Variants in SMYD3 observed in about 807,000 individuals in gnomAD.
The protein encoded by SMYD3 is histone-lysine N-methyltransferase SMYD3.
In SMYD3, 36 loss-of-function variants were observed where a neutral mutation model predicts 57.7. The ratio of observed to expected loss-of-function variants is 0.62; its 90% CI spans 0.48 to 0.82. The LOEUF is 0.82. Ranked by LOEUF, SMYD3 falls within the 40% of genes least tolerant of loss-of-function variation. The pLI, the probability that SMYD3 is intolerant of heterozygous loss-of-function variation, is 0.00. For missense variants in SMYD3, 515 were observed against 538.8 expected (o/e 0.96, Z 0.44); for synonymous variants, 211 against 195.0 (o/e 1.08, Z -0.68).
chr1:246,152,422 G>C (rs542433884), intron 5 of SMYD3, among the ~76,000 whole-genome samples: 1 of 152,280 alleles, frequency 6.6e-6, no homozygotes, highest in East Asian at 1.9e-4. Context: ...TTTTCATCCT[G>C]AGCAATTATA....
At chr1:245,811,427 G>A (rs973525656) in intron 10 of SMYD3, among the ~76,000 whole-genome samples, 1 of 152,142 alleles carries the variant, frequency 6.6e-6, no homozygotes, top group African/African-American at 2.4e-5. Flanking sequence ...CTTTCTGTAT[G>A]TGTACTCCCA....
At chr1:246,441,621 T>C (rs1237541358) in intron 1 of SMYD3, among the ~76,000 whole-genome samples, 1 of 152,204 alleles carries the variant, frequency 6.6e-6, no homozygotes, top group Admixed American at 6.5e-5. Context: ...TCTTTGTTTT[T>C]TCCCCCTTGA....
intron 5 of SMYD3, among the ~76,000 whole-genome samples, chr1:246,314,075 C>G (rs1203039095): frequency 2.6e-5 from 4 of 152,122 alleles, no homozygotes; most frequent in African/African-American, 4.8e-5. Context: ...CATGAATAAT[C>G]CACCCTCCTC....
intron 1 of SMYD3, among the ~76,000 whole-genome samples, chr1:246,472,467 G>C (rs1395108419): frequency 6.6e-6 from 1 of 152,160 alleles, no homozygotes; most frequent in Non-Finnish European, 1.5e-5. Context: ...AATAGGCTGG[G>C]CATAGTGGCT....
intron 5 of SMYD3, among the ~76,000 whole-genome samples, chr1:246,062,757 C>T (rs368163424): frequency 5.8e-4 from 88 of 152,222 alleles, no homozygotes; most frequent in African/African-American, 2.0e-3. Context: ...AAATGCCTAA[C>T]CAGTTCCAAA....
At chr1:245,967,252 G>A (rs1455992327) in intron 5 of SMYD3, among the ~76,000 whole-genome samples, 1 of 151,948 alleles carries the variant, frequency 6.6e-6, no homozygotes, top group Non-Finnish European at 1.5e-5. Flanking sequence ...TCACTGTCTG[G>A]CAGGAACATG....
At chr1:246,186,622 A>G in intron 5 of SMYD3, 1 of 401,928 alleles carries the variant, frequency 2.5e-6, no homozygotes, top group African/African-American at 2.2e-5. Context: ...CCTCAGAAAA[A>G]GACCCAAGTT....
At chr1:245,846,327 T>C (rs1336777972) in intron 10 of SMYD3, among the ~76,000 whole-genome samples, 1 of 152,238 alleles carries the variant, frequency 6.6e-6, no homozygotes, top group Non-Finnish European at 1.5e-5. Flanking sequence ...GATTCTACTC[T>C]GCGTGAAGGT....
At chr1:245,961,374 T>G (rs2058003501) in intron 5 of SMYD3, among the ~76,000 whole-genome samples, 1 of 152,232 alleles carries the variant, frequency 6.6e-6, no homozygotes, top group African/African-American at 2.4e-5. Flanking sequence ...TTACAGAATG[T>G]ACTTTATCTT....
chr1:246,059,699 G>A (rs1297087085), intron 5 of SMYD3, among the ~76,000 whole-genome samples: 2 of 152,142 alleles, frequency 1.3e-5, no homozygotes, highest in East Asian at 3.9e-4. Flanking sequence ...AAAAAGGCAA[G>A]TAAGATACGA....
At chr1:246,112,216 T>TTA (rs1257698563) in intron 5 of SMYD3, among the ~76,000 whole-genome samples, 9 of 152,330 alleles carry the variant, frequency 5.9e-5, no homozygotes, top group African/African-American at 2.2e-4. Flanking sequence ...AAATCTATAC[T>TTA]TATGAGCTAA....
Position 246,369,975 on chromosome 1 carries a change from G to A in SMYD3, c.165-14881C>T, listed in dbSNP as rs147001412. 2.3e-3 allele frequency among the ~76,000 whole-genome samples: 351 copies of A among 152,252 alleles called. 2 individuals carry two copies. Among genetic ancestry groups the A allele is most frequent in the African/African-American group, 7.9e-3 (327 of 41,558 alleles). On this transcript the variant is annotated intron_variant, in intron 1 of 11. Transcript: ENST00000490107. ...TCACTGGCACCATACCTTCCTAGGA[G>A]AAACACAAGCACCTTAAATCCAGCA...
chr1:245,957,939 G>C (rs73130335), intron 5 of SMYD3, among the ~76,000 whole-genome samples: 1 of 151,932 alleles, frequency 6.6e-6, no homozygotes, highest in African/African-American at 2.4e-5. Flanking sequence ...CAGAATTCTT[G>C]CAAGAAAATG....
chr1:245,766,927 T>C (rs1376793752), intron 10 of SMYD3, among the ~76,000 whole-genome samples: 1 of 152,096 alleles, frequency 6.6e-6, no homozygotes, highest in Non-Finnish European at 1.5e-5. Flanking sequence ...CACTTCCAAA[T>C]AAATATTTCC....
chr1:246,355,009 A>T lies in SMYD3; in HGVS notation c.228+22T>A, dbSNP rs754783331. Reference sequence around the variant, plus strand: ...AGTAAAGAATTTGAAAGCTTCACTTATATATGGCTGAAAAGTCTTACCTGA... The same window carrying T: ...AGTAAAGAATTTGAAAGCTTCACTTTTATATGGCTGAAAAGTCTTACCTGA... On this transcript the variant is annotated intron_variant, in intron 2 of 11. Coordinates refer to ENST00000490107, the MANE Select transcript of SMYD3 (RefSeq NM_001167740.2). This position sits in a 1 kb window ranked among gnomAD's most constrained non-coding sequence, Gnocchi z 5.0. The T allele has an allele frequency of 6.2e-7, 1 of 1,611,784 alleles. No individual in the cohort carries two copies. The highest frequency in any genetic ancestry group is 8.5e-7 in the Non-Finnish European group (1 of 1,177,950).
At chr1:246,368,580 A>G (rs963884966) in intron 1 of SMYD3, among the ~76,000 whole-genome samples, 4 of 152,314 alleles carry the variant, frequency 2.6e-5, no homozygotes, top group Middle Eastern at 3.4e-3. Context: ...GATGGTTAAT[A>G]CTGAGTGTCA....
At chr1:245,864,716 C>T (rs776335015) in intron 8 of SMYD3, among the ~76,000 whole-genome samples, 4 of 112,406 alleles carry the variant, frequency 3.6e-5, no homozygotes, top group Non-Finnish European at 7.1e-5. Flanking sequence ...TGTAAAGAGA[C>T]TGAAAACCAC....
rs11810483 is a variant in SMYD3, at chr1:246,492,543, A to C, written c.164+14511T>G. ...ACGATTCCCAGACACAGCAAGAGTC[A>C]TTTAAATGATGAAAGAGTCACTATT... On this transcript the variant is annotated intron_variant, in intron 1 of 11. Coordinates refer to ENST00000490107, the MANE Select transcript of SMYD3 (RefSeq NM_001167740.2). Among the ~76,000 whole-genome samples, 1,484 of 152,350 alleles carry C rather than the reference A, an allele frequency of 9.7e-3. 23 individuals carry two copies. Among genetic ancestry groups the C allele is most frequent in the African/African-American group, 0.033 (1,382 of 41,570 alleles).
chr1:245,793,149 A>C (rs1377210353), intron 10 of SMYD3, among the ~76,000 whole-genome samples: 6 of 148,742 alleles, frequency 4.0e-5, no homozygotes, highest in Admixed American at 6.7e-5. Flanking sequence ...CTCTACTAAA[A>C]ATACAAAAAA....
Sources: allele counts gnomAD v4.1 joint callset (sites outside exome capture counted in the v4.1 genomes callset), GRCh38; gene constraint gnomAD v4.1.1; non-coding constraint Gnocchi (gnomAD v3.1); transcripts MANE v1.5; gene names NCBI Gene and HGNC (gene_info 2026-07-23, HGNC 2026-07-21).